The following RNF13 variants were observed in gnomAD, a reference collection of about 807,000 sequenced individuals.
The protein encoded by RNF13 is ring finger protein 13.
Under a neutral mutation model 37.7 loss-of-function variants are expected in RNF13, and 19 were observed. That is an observed-to-expected ratio of 0.50 (90% CI 0.35 to 0.74). The LOEUF (loss-of-function observed/expected upper bound fraction) is 0.74, where lower values mean the gene tolerates loss of function less well. Ranked by LOEUF, RNF13 falls within the 30% of genes least tolerant of loss-of-function variation. RNF13 has a pLI of 0.01. For synonymous variants in RNF13, 144 were observed against 157.8 expected (o/e 0.91, Z 0.65); for missense variants, 375 against 453.0 (o/e 0.83, Z 1.56).
At chr3:149,833,396 C>T (rs1721271928) in intron 1 of RNF13, among the ~76,000 whole-genome samples, 1 of 152,098 alleles carries the variant, frequency 6.6e-6, no homozygotes, top group Non-Finnish European at 1.5e-5. Context: ...AAACTGAATT[C>T]AGCAGCACGT....
In RNF13 at chr3:149,852,536, T is replaced by C; in HGVS notation, c.135T>C (p.Ser45=). The C allele has an allele frequency of 6.4e-7, 1 of 1,554,394 alleles. No individual in the cohort carries two copies. The highest frequency in any genetic ancestry group is 8.7e-7 in the Non-Finnish European group (1 of 1,145,212). ...DILAYNFENA[S]QTFDDLPARF... is the part of the protein sequence containing the mutation. ...TTTAGTATAACTTTGAAAATGCATC[T>C]CAGACATTTGATGACCTCCCTGCAA... Residue 45 remains serine, a synonymous_variant, in exon 3 of 10, where the codon TCT becomes TCC. Transcript: ENST00000392894.
At chr3:149,874,073 TA>T (rs1230859242) in intron 4 of RNF13, among the ~76,000 whole-genome samples, 1 of 152,148 alleles carries the variant, frequency 6.6e-6, no homozygotes, top group African/African-American at 2.4e-5. Flanking sequence ...AGGGAAATGT[TA>T]AAAAAATTCT....
chr3:149,949,639 C>A (rs9851265), intron 8 of RNF13, among the ~76,000 whole-genome samples: 45,888 of 151,542 alleles, frequency 0.3, 7,078 homozygotes, highest in Admixed American at 0.38. Flanking sequence ...CCCTTTCTTT[C>A]TTCTCCTTCT....
intron 7 of RNF13, among the ~76,000 whole-genome samples, chr3:149,913,480 A>C (rs999241214): frequency 2.6e-5 from 4 of 152,192 alleles, no homozygotes; most frequent in African/African-American, 4.8e-5. Flanking sequence ...TAAGAAACTG[A>C]CATTGGTACA....
intron 4 of RNF13, among the ~76,000 whole-genome samples, chr3:149,884,225 T>C (rs1457116737): frequency 6.6e-6 from 1 of 152,124 alleles, no homozygotes; most frequent in African/African-American, 2.4e-5. Flanking sequence ...CCTTTTAATT[T>C]TGTTGTGGCT....
intron 6 of RNF13, among the ~76,000 whole-genome samples, chr3:149,910,763 A>G (rs1055736630): frequency 6.6e-6 from 1 of 152,186 alleles, no homozygotes; most frequent in Admixed American, 6.5e-5. Flanking sequence ...AGCACAGTGG[A>G]CCCAATGGAT....
At chr3:149,903,348 A>G (rs1162492929) in intron 6 of RNF13, among the ~76,000 whole-genome samples, 1 of 152,156 alleles carries the variant, frequency 6.6e-6, no homozygotes, top group East Asian at 1.9e-4. Context: ...TTTAAAGAGT[A>G]TTTTTTGTTT....
chr3:149,822,591 C>T (rs960285546), intron 1 of RNF13: 1 of 151,982 alleles, frequency 6.6e-6, no homozygotes. Flanking sequence ...GTCTGATTTC[C>T]CTGAATGTGA....
chr3:149,833,558 G>T (rs1337536331), intron 1 of RNF13, among the ~76,000 whole-genome samples: 1 of 152,038 alleles, frequency 6.6e-6, no homozygotes. Flanking sequence ...GCATTTCACA[G>T]AATTTAACAC....
chr3:149,960,511 G>A (rs1722292908), intron 9 of RNF13, among the ~76,000 whole-genome samples: 1 of 151,952 alleles, frequency 6.6e-6, no homozygotes, highest in East Asian at 1.9e-4. Flanking sequence ...ACAATGGCGT[G>A]AACCCAGGAG....
chr3:149,838,299 C>T (rs1370444897), intron 1 of RNF13, among the ~76,000 whole-genome samples: 2 of 152,168 alleles, frequency 1.3e-5, no homozygotes, highest in Non-Finnish European at 2.9e-5. Flanking sequence ...GGACAGTGGT[C>T]CTCTTCTCAC....
At chr3:149,885,156 T>C (rs1713880283) in intron 4 of RNF13, among the ~76,000 whole-genome samples, 1 of 152,192 alleles carries the variant, frequency 6.6e-6, no homozygotes, top group Non-Finnish European at 1.5e-5. Context: ...TGTTTCCAAG[T>C]CTTGGCTATT....
At chr3:149,886,117 GT>G (rs1378174726) in intron 4 of RNF13, among the ~76,000 whole-genome samples, 4 of 152,186 alleles carry the variant, frequency 2.6e-5, no homozygotes, top group Non-Finnish European at 5.9e-5. Context: ...GCATCATGCT[GT>G]TTTGGTTACT....
intron 8 of RNF13, among the ~76,000 whole-genome samples, chr3:149,949,690 C>T (rs1721122750): frequency 6.6e-6 from 1 of 151,556 alleles, no homozygotes; most frequent in African/African-American, 2.4e-5. Flanking sequence ...TTGATGCTAT[C>T]CCAGAAGTCC....
intron 4 of RNF13, among the ~76,000 whole-genome samples, chr3:149,891,505 A>G (rs1371837396): frequency 6.6e-6 from 1 of 152,234 alleles, no homozygotes; most frequent in African/African-American, 2.4e-5. Context: ...ATTTATAATA[A>G]CAAGCCAACA....
rs774269024 is a variant in RNF13 at position 149,823,653 on chromosome 3, A to G, written c.-17+10300A>G. ...AAATAGACAAAGTCATGTGTCAGCC[A>G]TATAAAGCAGTACAAAGTAGCTGTT... On this transcript the variant is annotated intron_variant, in intron 1 of 9. Transcript: ENST00000392894. 2.0e-5 allele frequency among the ~76,000 whole-genome samples: 3 copies of G among 152,220 alleles called. 1 individual carries two copies. The highest frequency in any genetic ancestry group is 4.1e-4 in the South Asian group (2 of 4,838).
At chr3:149,852,725 A>G in intron 3 of RNF13, 129 bp downstream of exon 3, 1 of 432,064 alleles carries the variant, frequency 2.3e-6, no homozygotes, top group South Asian at 6.7e-5. Flanking sequence ...AGTCATTTGT[A>G]AAGGGTCAGA....
At chr3:149,816,000 C>T (rs1414959135) in intron 1 of RNF13, among the ~76,000 whole-genome samples, 1 of 151,956 alleles carries the variant, frequency 6.6e-6, no homozygotes, top group Non-Finnish European at 1.5e-5. Flanking sequence ...TCAAGGGATC[C>T]TCCTATCTTA....
intron 8 of RNF13, among the ~76,000 whole-genome samples, chr3:149,929,941 C>T (rs77352333): frequency 0.027 from 4,045 of 152,162 alleles, 70 homozygotes; most frequent in South Asian, 0.037. Context: ...TTTGTTTTGT[C>T]TTGAAATGGA....
Sources: gnomAD v4.1 joint callset for allele counts (sites outside exome capture counted in the v4.1 genomes callset) on GRCh38, gnomAD v4.1.1 for gene constraint, MANE v1.5 for transcripts, NCBI Gene and HGNC (gene_info 2026-07-23, HGNC 2026-07-21) for gene names.